The following LIN28B variants were observed in gnomAD, a reference collection of about 807,000 sequenced individuals.
The protein encoded by LIN28B is protein lin-28 homolog B.
LIN28B carries 5 observed loss-of-function variants against 21.9 expected under a neutral mutation model. The observed-to-expected ratio is 0.23, with a 90% CI of 0.12 to 0.48. The LOEUF (loss-of-function observed/expected upper bound fraction) is 0.48, where lower values mean the gene tolerates loss of function less well. LIN28B is among the 20% of genes least tolerant of loss of function. LIN28B has a pLI of 0.98. For synonymous variants in LIN28B, 109 were observed against 111.3 expected, an observed-to-expected ratio of 0.98 and a Z score of 0.13; for missense variants, 245 against 310.5, an observed-to-expected ratio of 0.79 and a Z score of 1.58.
intron 2 of LIN28B, among the ~76,000 whole-genome samples, chr6:104,984,343 A>T (rs1770289824): frequency 6.6e-6 from 1 of 152,246 alleles, no homozygotes; most frequent in Non-Finnish European, 1.5e-5. Context: ...AGTCATTATA[A>T]ATTCTGTGTA....
At chr6:105,018,287 T>TA (rs902138386) in intron 2 of LIN28B, among the ~76,000 whole-genome samples, 99 of 151,260 alleles carry the variant, frequency 6.5e-4, no homozygotes, top group African/African-American at 2.3e-3. Flanking sequence ...CCCTTACTCT[T>TA]AAAAAAAAAT....
At chr6:104,958,308 C>T (rs112660968) in intron 2 of LIN28B, 22 bp downstream of exon 2, 12 of 1,532,836 alleles carry the variant, frequency 7.8e-6, no homozygotes, top group Non-Finnish European at 9.8e-6. Flanking sequence ...TTTTTTGTCC[C>T]CCTCTTCATC....
At chr6:105,038,706 A>G (rs1398127774) in intron 3 of LIN28B, among the ~76,000 whole-genome samples, 3 of 152,358 alleles carry the variant, frequency 2.0e-5, no homozygotes, top group Admixed American at 2.0e-4. Flanking sequence ...GTGGGAAAAG[A>G]TATTTCCAGT....
At chr6:105,032,324 C>A (rs1266870116) in intron 3 of LIN28B, among the ~76,000 whole-genome samples, 1 of 152,178 alleles carries the variant, frequency 6.6e-6, no homozygotes, top group Non-Finnish European at 1.5e-5. Context: ...TTATAAAAAA[C>A]TGCCAAATTG....
At chr6:104,950,634 C>A in intron 3 of LIN28B, 1 of 490,248 alleles carries the variant, frequency 2.0e-6, no homozygotes, top group South Asian at 1.1e-4. Flanking sequence ...TTTGGCAAGA[C>A]AGGTACCAAG....
chr6:105,021,822 G>C (rs1463495722), intron 2 of LIN28B, among the ~76,000 whole-genome samples: 1 of 152,038 alleles, frequency 6.6e-6, no homozygotes, highest in African/African-American at 2.4e-5. Flanking sequence ...AGGCTTTTTA[G>C]TTTAAGTCTT....
intron 3 of LIN28B, among the ~76,000 whole-genome samples, chr6:105,034,532 G>T (rs1481981280): frequency 6.6e-6 from 1 of 151,940 alleles, no homozygotes; most frequent in Non-Finnish European, 1.5e-5. Context: ...CATAGTAGAA[G>T]AATTTGTTAA....
At chr6:105,054,577 A>AATG (rs1771983494) in intron 3 of LIN28B, among the ~76,000 whole-genome samples, 1 of 152,232 alleles carries the variant, frequency 6.6e-6, no homozygotes, top group Admixed American at 6.5e-5. Flanking sequence ...ATTAGGGGAT[A>AATG]ATGAAAATAA....
chr6:105,000,698 A>G (rs1770702359), intron 2 of LIN28B, among the ~76,000 whole-genome samples: 1 of 151,860 alleles, frequency 6.6e-6, no homozygotes, highest in Admixed American at 6.6e-5. Flanking sequence ...AAAAATAGAA[A>G]ATCCTTCCTT....
intron 2 of LIN28B, among the ~76,000 whole-genome samples, chr6:105,010,298 G>T (rs1213754084): frequency 6.6e-6 from 1 of 151,200 alleles, no homozygotes; most frequent in Non-Finnish European, 1.5e-5. Flanking sequence ...GGGAGGTGGA[G>T]GTTGCAGTGA....
intron 2 of LIN28B, among the ~76,000 whole-genome samples, chr6:104,966,178 G>A (rs760868682): frequency 6.6e-5 from 10 of 152,130 alleles, no homozygotes; most frequent in Non-Finnish European, 1.3e-4. Context: ...AAGTAGTGTG[G>A]TATTGTGAGA....
upstream of LIN28B, among the ~76,000 whole-genome samples, chr6:104,953,363 C>A (rs1002682091): frequency 2.6e-5 from 4 of 152,222 alleles, no homozygotes; most frequent in Admixed American, 2.6e-4. Context: ...TCTCTTTGAC[C>A]GCACTTATCT....
At chr6:104,989,355 A>G (rs1470910901) in intron 2 of LIN28B, among the ~76,000 whole-genome samples, 1 of 151,858 alleles carries the variant, frequency 6.6e-6, no homozygotes, top group African/African-American at 2.4e-5. Flanking sequence ...AGAAGCTGGG[A>G]TTGATTATAG....
chr6:105,018,508 A>G (rs902192427), intron 2 of LIN28B, among the ~76,000 whole-genome samples: 11 of 152,132 alleles, frequency 7.2e-5, no homozygotes, highest in African/African-American at 2.4e-4. Context: ...CATGCACTCA[A>G]AAATACACCT....
At chr6:104,959,486 A>G (rs1769679663) in intron 2 of LIN28B, among the ~76,000 whole-genome samples, 1 of 152,202 alleles carries the variant, frequency 6.6e-6, no homozygotes, top group African/African-American at 2.4e-5. Context: ...ATATGAAACC[A>G]TTCTGTTTTG....
intron 3 of LIN28B, among the ~76,000 whole-genome samples, chr6:105,064,249 C>A (rs1306541733): frequency 6.6e-6 from 1 of 152,086 alleles, no homozygotes; most frequent in Non-Finnish European, 1.5e-5. Context: ...GTGAGAGAAC[C>A]AAATGTTGTA....
In LIN28B at chr6:105,078,608, G is replaced by A. The variant is rs528723085; in HGVS notation, c.578G>A (p.Arg193Gln). 1.3e-5 allele frequency: 21 copies of A among 1,614,086 alleles called. No individual in the cohort carries two copies. The highest frequency in any genetic ancestry group is 8.9e-5 in the East Asian group (4 of 44,874). The change falls in exon 4 of 4, where the codon CGA becomes CAA. Residue 193 changes from arginine to glutamine, a missense_variant. Arg to Gln is a conservative substitution (Grantham distance 43, BLOSUM62 1). Transcript: ENST00000345080. Reference sequence around the variant, plus strand: ...CAGCCATGCACTTCAACTCTCCCTCGAGAAGTGGGAGGCGGGCATGGCTGT... The same window carrying A: ...CAGCCATGCACTTCAACTCTCCCTCAAGAAGTGGGAGGCGGGCATGGCTGT... ...ESQPCTSTLP[R>Q]EVGGGHGCTS...
intron 3 of LIN28B, among the ~76,000 whole-genome samples, chr6:105,038,182 A>G (rs1177738017): frequency 6.6e-6 from 1 of 152,200 alleles, no homozygotes. Context: ...GTATCTATAG[A>G]AATTAGGGAT....
intron 2 of LIN28B, among the ~76,000 whole-genome samples, chr6:105,009,935 A>G (rs1441867750): frequency 1.3e-5 from 2 of 152,142 alleles, no homozygotes; most frequent in African/African-American, 2.4e-5. Flanking sequence ...TCATATTCAT[A>G]TTCATTTCCT....
Sources: allele counts gnomAD v4.1 joint callset (sites outside exome capture counted in the v4.1 genomes callset), GRCh38; gene constraint gnomAD v4.1.1; transcripts MANE v1.5; gene names NCBI Gene and HGNC (gene_info 2026-07-23, HGNC 2026-07-21).